Variants in EYS observed in about 807,000 individuals in gnomAD.
EYS encodes protein eyes shut homolog.
A neutral mutation model predicts 282.1 loss-of-function variants in EYS; 250 were observed. The ratio of observed to expected loss-of-function variants is 0.89; its 90% CI spans 0.80 to 0.98. EYS has a LOEUF of 0.98. Ranked by LOEUF, EYS falls within the 50% of genes least tolerant of loss-of-function variation. The pLI, the probability that EYS is intolerant of heterozygous loss-of-function variation, is 0.00. For missense variants in EYS, 4,016 were observed against 3,709.0 expected, an observed-to-expected ratio of 1.08 and a Z score of -2.15; for synonymous variants, 1,355 against 1,282.9, an observed-to-expected ratio of 1.06 and a Z score of -1.20.
intron 26 of EYS, among the ~76,000 whole-genome samples, chr6:64,464,974 GA>G (rs1203715062): frequency 6.6e-6 from 1 of 151,640 alleles, no homozygotes; most frequent in Non-Finnish European, 1.5e-5. Context: ...AATAATTCAA[GA>G]GAACAATTCT....
intron 5 of EYS, among the ~76,000 whole-genome samples, chr6:65,410,316 A>T (rs756743522): frequency 2.9e-4 from 44 of 152,168 alleles, no homozygotes; most frequent in South Asian, 6.2e-4. Context: ...ACATTTTGAA[A>T]CATACCCATG....
intron 36 of EYS, among the ~76,000 whole-genome samples, chr6:63,835,002 T>A (rs1771764239): frequency 7.7e-6 from 1 of 129,406 alleles, no homozygotes; most frequent in South Asian, 2.4e-4. Context: ...AATTGAACAA[T>A]GAGAACATTT....
intron 22 of EYS, among the ~76,000 whole-genome samples, chr6:64,760,340 C>A (rs923298889): frequency 6.6e-6 from 1 of 152,014 alleles, no homozygotes; most frequent in African/African-American, 2.4e-5. Flanking sequence ...AATATGTTCC[C>A]GGTTTTAGCT....
intron 13 of EYS, among the ~76,000 whole-genome samples, chr6:65,031,467 C>T (rs1159110582): frequency 1.3e-5 from 2 of 151,932 alleles, no homozygotes; most frequent in African/African-American, 4.8e-5. Context: ...CTAAAATTGA[C>T]CATGTGATAA....
At chr6:64,006,058 G>C (rs1768332550) in intron 33 of EYS, among the ~76,000 whole-genome samples, 1 of 152,136 alleles carries the variant, frequency 6.6e-6, no homozygotes, top group Non-Finnish European at 1.5e-5. Flanking sequence ...ATTGCTTTGG[G>C]CAGTATGGCC....
chr6:64,319,807 C>T (rs188831069), intron 29 of EYS, among the ~76,000 whole-genome samples: 2 of 152,004 alleles, frequency 1.3e-5, no homozygotes, highest in Admixed American at 6.6e-5. Flanking sequence ...TAAGCTGCCA[C>T]AAGACCTTTC....
intron 26 of EYS, among the ~76,000 whole-genome samples, chr6:64,466,880 A>G (rs1055808221): frequency 1.3e-5 from 2 of 152,092 alleles, no homozygotes; most frequent in South Asian, 4.1e-4. Flanking sequence ...TGTGTCATTT[A>G]ATATATTTAA....
intron 12 of EYS, among the ~76,000 whole-genome samples, chr6:65,120,188 C>A (rs1298138524): frequency 1.3e-4 from 19 of 144,424 alleles, no homozygotes; most frequent in South Asian, 2.2e-4. Flanking sequence ...TTAAAAAAAA[C>A]CCCAACCAAC....
At chr6:63,725,909 G>C (rs974488489) in intron 42 of EYS, among the ~76,000 whole-genome samples, 1 of 152,106 alleles carries the variant, frequency 6.6e-6, no homozygotes, top group African/African-American at 2.4e-5. Flanking sequence ...CAATAGAGAT[G>C]TAACTATATG....
intron 22 of EYS, among the ~76,000 whole-genome samples, chr6:64,794,821 T>C (rs1158103708): frequency 6.6e-6 from 1 of 152,154 alleles, no homozygotes; most frequent in Non-Finnish European, 1.5e-5. Context: ...AATCACAGGA[T>C]ACATAATTGA....
chr6:63,943,851 C>A (rs1765311760), intron 35 of EYS, among the ~76,000 whole-genome samples: 1 of 152,216 alleles, frequency 6.6e-6, no homozygotes, highest in Non-Finnish European at 1.5e-5. Context: ...CAGCTACCAA[C>A]CCAGGCTGAC....
intron 37 of EYS, among the ~76,000 whole-genome samples, chr6:63,800,791 C>T (rs947442141): frequency 2.0e-5 from 3 of 152,084 alleles, no homozygotes; most frequent in East Asian, 1.9e-4. Context: ...GGTGACAGAG[C>T]GAGACTCCGT....
At chr6:63,777,889 A>C (rs1337857396) in intron 40 of EYS, 117 bp downstream of exon 40, 2 of 1,009,056 alleles carry the variant, frequency 2.0e-6, no homozygotes, top group Non-Finnish European at 3.0e-6. Context: ...ACATAAGAAC[A>C]TTTTAAATAT....
At chr6:65,289,367 TTA>T (rs1768458568) in intron 12 of EYS, among the ~76,000 whole-genome samples, 1 of 151,006 alleles carries the variant, frequency 6.6e-6, no homozygotes, top group Non-Finnish European at 1.5e-5. Flanking sequence ...GATGTAAATG[TTA>T]TATAGTCAAA....
chr6:65,668,879 A>T (rs1768285841), intron 1 of EYS, among the ~76,000 whole-genome samples: 1 of 151,938 alleles, frequency 6.6e-6, no homozygotes. Flanking sequence ...AGCTTTTGAA[A>T]AAATGATTAG....
At chr6:64,984,534 A>C (rs2150118651) in intron 14 of EYS, among the ~76,000 whole-genome samples, 2 of 151,588 alleles carry the variant, frequency 1.3e-5, no homozygotes, top group Middle Eastern at 6.8e-3. Context: ...TTATGTAAAA[A>C]TTAAAAAAGG....
intron 27 of EYS, among the ~76,000 whole-genome samples, chr6:64,437,216 T>C (rs1181370220): frequency 6.6e-6 from 1 of 151,674 alleles, no homozygotes; most frequent in African/African-American, 2.4e-5. Context: ...TGTAGGATTG[T>C]AGGTGAAAAT....
At chr6:63,798,082 T>C (rs1334606366) in intron 37 of EYS, 1 of 152,206 alleles carries the variant, frequency 6.6e-6, no homozygotes, top group Non-Finnish European at 1.5e-5. Context: ...TTACTGCAAG[T>C]ATAGTGTTCC....
chr6:64,286,608 G>C (rs975880997), intron 30 of EYS, among the ~76,000 whole-genome samples: 2 of 152,090 alleles, frequency 1.3e-5, no homozygotes, highest in African/African-American at 4.8e-5. Context: ...GTATGAATAG[G>C]AGTCATTTGA....
Sources: allele counts gnomAD v4.1 joint callset (sites outside exome capture counted in the v4.1 genomes callset), GRCh38; gene constraint gnomAD v4.1.1; transcripts MANE v1.5; gene names NCBI Gene and HGNC (gene_info 2026-07-23, HGNC 2026-07-21).